The following TIPIN variants were observed in gnomAD, a reference collection of about 807,000 sequenced individuals.
TIPIN encodes the protein TIMELESS-interacting protein.
TIPIN carries 29 observed loss-of-function variants against 35.6 expected under a neutral mutation model. The ratio of observed to expected loss-of-function variants is 0.82; its 90% CI spans 0.61 to 1.11. TIPIN has a LOEUF of 1.11. Ranked by LOEUF, TIPIN falls within the 50% of genes most tolerant of loss-of-function variation. The pLI is 0.00. For synonymous variants in TIPIN, 102 were observed against 121.5 expected, an observed-to-expected ratio of 0.84 and a Z score of 1.06; for missense variants, 296 against 345.4, an observed-to-expected ratio of 0.86 and a Z score of 1.13.
intron 3 of TIPIN, 67 bp from the exon 4 acceptor site, chr15:66,351,667 T>G (rs539473290): frequency 4.1e-5 from 55 of 1,330,506 alleles, no homozygotes; most frequent in Non-Finnish European, 5.6e-5. Flanking sequence ...AGACGGAGTC[T>G]CACTCTGTCG....
chr15:66,342,205 AAAAG>A (rs1555407161), intron 6 of TIPIN, among the ~76,000 whole-genome samples: 1 of 150,540 alleles, frequency 6.6e-6, no homozygotes, highest in Non-Finnish European at 1.5e-5. Context: ...AAAAAAAAAA[AAAAG>A]AAAGAAACAA....
intron 1 of TIPIN, among the ~76,000 whole-genome samples, chr15:66,370,923 A>C (rs60180747): frequency 0.22 from 33,419 of 152,092 alleles, 4,259 homozygotes; most frequent in Middle Eastern, 0.33. Flanking sequence ...AAAGTGTATC[A>C]AGCAAGGCCA....
rs577722531 is a variant in TIPIN, at chr15:66,345,174, T to C, written c.476-3818A>G. On this transcript the variant is annotated intron_variant, in intron 6 of 7. Transcript: ENST00000261881. ...ACCAAGTTGTCATTTGAGCACAGTT[T>C]GAGGAGTGTAAGACAGTCATGCGGA... Among the ~76,000 whole-genome samples, 18 of 152,110 alleles carry C rather than the reference T, an allele frequency of 1.2e-4. No homozygotes were observed. The South Asian group carries it at 3.3e-3, about 28-fold the overall frequency.
chr15:66,367,676 A>G (rs1024254926), intron 1 of TIPIN, among the ~76,000 whole-genome samples: 1 of 151,442 alleles, frequency 6.6e-6, no homozygotes, highest in African/African-American at 2.4e-5. Flanking sequence ...TACAGACATG[A>G]GCCACCACAC....
chr15:66,357,390 G>A (rs1276382834), upstream of TIPIN, among the ~76,000 whole-genome samples: 2 of 152,074 alleles, frequency 1.3e-5, no homozygotes, highest in African/African-American at 2.4e-5. Flanking sequence ...ATAATAAGCT[G>A]AGAAAAGAGG....
chr15:66,352,327 C>G, intron 2 of TIPIN, 120 bp from the exon 3 acceptor site: 2 of 745,636 alleles, frequency 2.7e-6, no homozygotes, highest in Non-Finnish European at 4.3e-6. Flanking sequence ...GAAACAGGGT[C>G]TCACTCTGTT....
intron 1 of TIPIN, among the ~76,000 whole-genome samples, chr15:66,381,322 C>G (rs1264455321): frequency 2.6e-5 from 4 of 152,014 alleles, no homozygotes; most frequent in Non-Finnish European, 4.4e-5. Context: ...CCTGTAATAT[C>G]AGCTACTCAG....
At chr15:66,380,002 C>CT (rs55835135) in intron 1 of TIPIN, 46 of 289,502 alleles carry the variant, frequency 1.6e-4, no homozygotes, top group African/African-American at 5.2e-4. Context: ...TTCTTTCTTT[C>CT]TTTTTTTTTT....
At chr15:66,366,727 A>G (rs1290993649) in intron 1 of TIPIN, 5 of 699,712 alleles carry the variant, frequency 7.1e-6, no homozygotes, top group South Asian at 1.3e-4. Flanking sequence ...AGAATGCACC[A>G]TTGCACTCTA....
chr15:66,361,198 T>G (rs2093229500), upstream of TIPIN, among the ~76,000 whole-genome samples: 1 of 152,042 alleles, frequency 6.6e-6, no homozygotes, highest in South Asian at 2.1e-4. Context: ...AACTAGAAGT[T>G]TAGGATCATT....
At chr15:66,356,275 T>A (rs2093203529) in intron 1 of TIPIN, among the ~76,000 whole-genome samples, 1 of 152,076 alleles carries the variant, frequency 6.6e-6, no homozygotes, top group East Asian at 1.9e-4. Flanking sequence ...GTCCCCCTCA[T>A]CCTCGTTCCC....
intron 1 of TIPIN, among the ~76,000 whole-genome samples, chr15:66,369,134 A>G (rs1156573156): frequency 6.6e-6 from 1 of 152,154 alleles, no homozygotes; most frequent in African/African-American, 2.4e-5. Context: ...CTATCTATTT[A>G]GAGAAAGCAT....
chr15:66,368,597 C>T (rs1198066450), intron 1 of TIPIN, among the ~76,000 whole-genome samples: 1 of 152,010 alleles, frequency 6.6e-6, no homozygotes, highest in Non-Finnish European at 1.5e-5. Context: ...TTGCCAGTTT[C>T]TGTGTTAGGC....
intron 6 of TIPIN, among the ~76,000 whole-genome samples, chr15:66,345,650 G>C (rs946974352): frequency 2.0e-5 from 3 of 152,022 alleles, no homozygotes; most frequent in Non-Finnish European, 2.9e-5. Context: ...GGTGGAGGTT[G>C]CAGTGAGCCG....
rs62013660 is a variant in TIPIN at position 66,386,717 on chromosome 15, C to T, written c.-119G>A. On this transcript the variant is annotated 5_prime_UTR_variant, in exon 1 of 8. Coordinates refer to the TIPIN transcript ENST00000562124. ...TGCCTCGGGGCGACAGAGGGCGCCACGGCGTCCGCGACGGACCCCGCCCCC... is the reference window on the plus strand; with the variant it reads ...TGCCTCGGGGCGACAGAGGGCGCCATGGCGTCCGCGACGGACCCCGCCCCC... The T allele has an allele frequency of 0.058, 10,833 of 186,688 alleles. 435 individuals carry two copies. The highest frequency in any genetic ancestry group is 0.11 in the Middle Eastern group (55 of 508). The allele number at this position is 186,688 out of a possible 1,614,324, so 11.6% of individuals were successfully genotyped here. A position where few individuals can be genotyped will look rare whatever the true frequency, so the allele number is the denominator to read the frequency against.
chr15:66,372,998 TCAGTA>T (rs1171336539), intron 1 of TIPIN, among the ~76,000 whole-genome samples: 1 of 152,180 alleles, frequency 6.6e-6, no homozygotes, highest in Non-Finnish European at 1.5e-5. Flanking sequence ...CCTACACTAT[TCAGTA>T]CAGTAATGTA....
At chr15:66,364,403 ATCTGCCCGCCTCGGCTTCCCAGTGT>A (rs1349028330) in intron 1 of TIPIN, among the ~76,000 whole-genome samples, 1 of 151,700 alleles carries the variant, frequency 6.6e-6, no homozygotes, top group Admixed American at 6.6e-5. Context: ...TGACCTCGTG[ATCTGCCCGCCTCGGCTTCCCAGTGT>A]TCTGGCATTA....
chr15:66,379,169 A>AT, intron 1 of TIPIN: 1 of 920,886 alleles, frequency 1.1e-6, no homozygotes, highest in East Asian at 2.9e-5. Context: ...AATCACAGGC[A>AT]TGAGCCACTG....
intron 1 of TIPIN, chr15:66,371,389 T>A: frequency 1.0e-6 from 1 of 984,960 alleles, no homozygotes; most frequent in East Asian, 1.1e-4. Flanking sequence ...AAGGCCTATA[T>A]CATTTTTTTC....
Sources: allele counts gnomAD v4.1 joint callset (sites outside exome capture counted in the v4.1 genomes callset), GRCh38; gene constraint gnomAD v4.1.1; transcripts MANE v1.5; gene names NCBI Gene and HGNC (gene_info 2026-07-23, HGNC 2026-07-21).